Variants in DYNC2H1 observed in about 807,000 individuals in gnomAD.
The protein encoded by DYNC2H1 is cytoplasmic dynein 2 heavy chain 1.
A neutral mutation model predicts 570.0 loss-of-function variants in DYNC2H1; 410 were observed. The observed-to-expected ratio is 0.72, with a 90% confidence interval of 0.66 to 0.78. DYNC2H1 has a LOEUF of 0.78. Ranked by LOEUF, DYNC2H1 falls within the 30% of genes least tolerant of loss-of-function variation. DYNC2H1 has a pLI of 0.00. For synonymous variants in DYNC2H1, 1,688 were observed against 1,677.6 expected (o/e 1.01, Z -0.15); for missense variants, 4,865 against 5,046.4 (o/e 0.96, Z 1.09).
chr11:103,213,308 G>GT (rs1413417566), intron 54 of DYNC2H1, among the ~76,000 whole-genome samples: 2 of 152,010 alleles, frequency 1.3e-5, no homozygotes, highest in African/African-American at 2.4e-5. Context: ...TTCCCAATCA[G>GT]TGAGACTAAA....
At chr11:103,119,012 A>G (rs1323491392) in intron 6 of DYNC2H1, among the ~76,000 whole-genome samples, 3 of 152,140 alleles carry the variant, frequency 2.0e-5, no homozygotes, top group African/African-American at 7.2e-5. Flanking sequence ...TTTATTAGTC[A>G]TGACTTTTCT....
rs1025061122 is a variant in DYNC2H1 at position 103,291,055 on chromosome 11, A to G, written c.11095+3450A>G. Among the ~76,000 whole-genome samples, 10 of 152,200 alleles carry G rather than the reference A, an allele frequency of 6.6e-5. 1 individual carries two copies. Among genetic ancestry groups the G allele is most frequent in the Admixed American group, 2.0e-4 (3 of 15,276 alleles). On this transcript the variant is annotated intron_variant, in intron 75 of 88. Coordinates refer to ENST00000375735, the MANE Select transcript of DYNC2H1 (RefSeq NM_001377.3). ...CAGAAGTGAAGGAGGGGATGCTGGT[A>G]CAAAATAATAGATATGCATGATAAT...
chr11:103,144,330 A>G (rs1860123467), intron 18 of DYNC2H1, among the ~76,000 whole-genome samples: 1 of 152,230 alleles, frequency 6.6e-6, no homozygotes. Context: ...CACAGGTTAT[A>G]TTTTCAATAA....
At chr11:103,377,005 T>G (rs540411773) in intron 83 of DYNC2H1, among the ~76,000 whole-genome samples, 1 of 152,326 alleles carries the variant, frequency 6.6e-6, no homozygotes, top group South Asian at 2.1e-4. Flanking sequence ...CTAGTGGGGA[T>G]TCCCTTATAT....
intron 84 of DYNC2H1, among the ~76,000 whole-genome samples, chr11:103,412,184 A>AGTT (rs1361997299): frequency 1.3e-5 from 2 of 152,140 alleles, no homozygotes; most frequent in Admixed American, 6.6e-5. Flanking sequence ...GAATGTGACA[A>AGTT]GTTATGTATG....
chr11:103,316,490 T>C (rs1265286742), intron 79 of DYNC2H1, 55 bp from the exon 80 acceptor site: 3 of 1,212,990 alleles, frequency 2.5e-6, no homozygotes, highest in Non-Finnish European at 2.3e-6. Flanking sequence ...GATACATACA[T>C]ATATATCTTT....
At chr11:103,460,631 G>A (rs1435511877) in intron 87 of DYNC2H1, among the ~76,000 whole-genome samples, 3 of 142,298 alleles carry the variant, frequency 2.1e-5, no homozygotes, top group Non-Finnish European at 4.6e-5. Flanking sequence ...TAACTTCATT[G>A]ACATGTTTAT....
intron 54 of DYNC2H1, among the ~76,000 whole-genome samples, chr11:103,214,102 T>C (rs1327612949): frequency 6.6e-6 from 1 of 152,160 alleles, no homozygotes; most frequent in African/African-American, 2.4e-5. Context: ...TTTCCCAATA[T>C]ATACTTTGCT....
chr11:103,325,109 T>G lies in DYNC2H1; in HGVS notation c.12039+1119T>G, dbSNP rs1045918969. ...TTAAGTTCCTTATAGATTCTGGACA[T>G]TGGACCTTTGTTGAGTACTTAGTTT... On this transcript the variant is annotated intron_variant, in intron 82 of 88. Coordinates refer to ENST00000375735, the MANE Select transcript of DYNC2H1 (RefSeq NM_001377.3). The surrounding 1 kb of genome is among the most constrained non-coding windows in gnomAD (Gnocchi z 4.8). Among the ~76,000 whole-genome samples, 2 of 152,370 alleles carry G rather than the reference T, an allele frequency of 1.3e-5. No individual in the cohort carries two copies. Among genetic ancestry groups the G allele is most frequent in the Admixed American group, 6.5e-5 (1 of 15,308 alleles).
intron 55 of DYNC2H1, 65 bp downstream of exon 55, chr11:103,215,923 GA>G: frequency 6.5e-7 from 1 of 1,534,138 alleles, no homozygotes; most frequent in Non-Finnish European, 8.8e-7. Context: ...GATAGTCAGT[GA>G]AAAATAACAT....
chr11:103,237,337 A>G lies in DYNC2H1; in HGVS notation c.9819+798A>G, dbSNP rs572873960. Among the ~76,000 whole-genome samples the G allele has an allele frequency of 3.9e-4, 59 of 152,088 alleles. 2 individuals carry two copies. The South Asian group carries it at 0.012, about 32-fold the overall frequency. ...CTCAAAGAAAGCATGAACATTAAACATGCTCCTCTTTATGTAGCATAAACT... is the reference window on the plus strand; with the variant it reads ...CTCAAAGAAAGCATGAACATTAAACGTGCTCCTCTTTATGTAGCATAAACT... On this transcript the variant is annotated intron_variant, in intron 63 of 88. Coordinates refer to ENST00000375735, the MANE Select transcript of DYNC2H1 (RefSeq NM_001377.3).
intron 82 of DYNC2H1, among the ~76,000 whole-genome samples, chr11:103,339,553 T>G (rs10895401): frequency 0.22 from 32,969 of 152,014 alleles, 3,708 homozygotes; most frequent in Admixed American, 0.31. Flanking sequence ...CTTGTATTCA[T>G]TTGCAAGACA....
In DYNC2H1 at chr11:103,120,908, A is replaced by G; in HGVS notation, c.1249-17A>G. The G allele has an allele frequency of 7.2e-7, 1 of 1,397,862 alleles. No individual in the cohort carries two copies. The highest frequency in any genetic ancestry group is 2.6e-5 in the East Asian group (1 of 37,806). 86.6% of individuals were successfully genotyped at this position (1,397,862 alleles called of 1,614,324 possible). On this transcript the variant is annotated splice_polypyrimidine_tract_variant and intron_variant, in intron 8 of 88. Coordinates refer to ENST00000375735, the MANE Select transcript of DYNC2H1 (RefSeq NM_001377.3). ...GATCCGTTGGGATGAACATGTACTTATTTTATTTTATATTAGCTTCTTCAA... is the reference window on the plus strand; with the variant it reads ...GATCCGTTGGGATGAACATGTACTTGTTTTATTTTATATTAGCTTCTTCAA...
At chr11:103,266,133 G>A (rs1865495747) in intron 70 of DYNC2H1, among the ~76,000 whole-genome samples, 1 of 152,172 alleles carries the variant, frequency 6.6e-6, no homozygotes, top group Admixed American at 6.5e-5. Context: ...TGCGATAGGT[G>A]GTGTTACCTA....
chr11:103,178,901 TG>T, intron 38 of DYNC2H1, 124 bp from the exon 39 acceptor site: 1 of 911,714 alleles, frequency 1.1e-6, no homozygotes, highest in Non-Finnish European at 1.6e-6. Flanking sequence ...GGATTGCGCA[TG>T]GGTTCTTCAG....
At position 103,465,505 on chromosome 11, in the gene DYNC2H1, A is replaced by G. The variant is rs1156499331; in HGVS notation, c.12649-3084A>G. Among the ~76,000 whole-genome samples the G allele has an allele frequency of 6.6e-6, 1 of 152,082 alleles. No homozygotes were observed. Among genetic ancestry groups the G allele is most frequent in the Non-Finnish European group, 1.5e-5 (1 of 67,998 alleles). ...ATGAGTTTGAGTTAGCATTTGCTCAAACTAGCTCAAAACTTAGTGGCTTAG... is the reference window on the plus strand; with the variant it reads ...ATGAGTTTGAGTTAGCATTTGCTCAGACTAGCTCAAAACTTAGTGGCTTAG... On this transcript the variant is annotated intron_variant, in intron 87 of 88. Transcript: ENST00000375735. This position sits in a 1 kb window ranked among gnomAD's most constrained non-coding sequence, Gnocchi z 4.9.
chr11:103,416,649 A>AAAGTT (rs1207409345), intron 84 of DYNC2H1, among the ~76,000 whole-genome samples: 3 of 152,210 alleles, frequency 2.0e-5, no homozygotes, highest in African/African-American at 7.2e-5. Flanking sequence ...ACCTTATACA[A>AAAGTT]AAGTTAACTC....
rs185504536 is a variant in DYNC2H1 at position 103,176,353 on chromosome 11, G to C, written c.5793G>C (p.Leu1931Phe). Residue 1931 changes from leucine to phenylalanine, a missense_variant, in exon 37 of 89, where the codon TTG (leucine) becomes TTC (phenylalanine). By Grantham distance (22) the Leu-to-Phe change is conservative. Around this residue, in one of 5 missense-constraint regions of DYNC2H1, gnomAD observed 292 missense variants for 300.2 expected, o/e 0.97. Coordinates refer to ENST00000375735, the MANE Select transcript of DYNC2H1 (RefSeq NM_001377.3). ...AAGATGTCTTTCCGGGAATTGAATT[G>C]AAAGAAGTGGAATATGATGAACTAA... ...LIKDVFPGIE[L>F]KEVEYDELSA... is the part of the protein sequence containing the mutation. 386 of 1,590,596 alleles carry C rather than the reference G, an allele frequency of 2.4e-4. No homozygotes were observed. The highest frequency in any genetic ancestry group is 8.2e-4 in the Admixed American group (47 of 57,084).
chr11:103,235,719 A>G lies in DYNC2H1; in HGVS notation c.9615A>G (p.Gln3205=). The G allele has an allele frequency of 6.2e-7, 1 of 1,611,424 alleles. No homozygotes were observed. Among genetic ancestry groups the G allele is most frequent in the Non-Finnish European group, 8.5e-7 (1 of 1,178,396 alleles). Residue 3205 remains glutamine, a synonymous_variant, in exon 62 of 89, where the codon CAA becomes CAG. Transcript: ENST00000375735. ...TAGCTACTCTTCCTAAAAGAGCTCA[A>G]CTTGCTGCTGCATTTATTACATATC... ...EELATLPKRA[Q]LAAAFITYLS...
Sources: gnomAD v4.1 joint callset for allele counts (sites outside exome capture counted in the v4.1 genomes callset) on GRCh38, gnomAD v4.1.1 for gene constraint, gnomAD v4.1.1 regional missense constraint, Gnocchi (gnomAD v3.1) non-coding constraint, MANE v1.5 for transcripts, NCBI Gene and HGNC (gene_info 2026-07-23, HGNC 2026-07-21) for gene names.